KIF23: variants seen among roughly 807,000 people sequenced by gnomAD.
KIF23 encodes kinesin-like protein KIF23.
Under a neutral mutation model 137.5 loss-of-function variants are expected in KIF23, and 30 were observed. That is an observed-to-expected ratio of 0.22 (90% CI 0.16 to 0.30). The LOEUF is 0.30. KIF23 is among the 10% of genes least tolerant of loss of function. KIF23 has a pLI of 1.00. For missense variants in KIF23, 920 were observed against 1,194.3 expected (o/e 0.77, Z 3.38); for synonymous variants, 367 against 391.1 (o/e 0.94, Z 0.73).
rs567035258 is a variant in KIF23 at position 69,439,300 on chromosome 15, T to C, written c.1756-604T>C. Among the ~76,000 whole-genome samples, 6 of 152,206 alleles carry C rather than the reference T, an allele frequency of 3.9e-5. No individual in the cohort carries two copies. In the South Asian group the frequency reaches 1.0e-3, roughly 26 times the overall value. On this transcript the variant is annotated intron_variant, in intron 16 of 23. Coordinates refer to ENST00000679126, the MANE Select transcript of KIF23 (RefSeq NM_001367805.3). ...CTTGCTTTTGAATTTATTAGAAATA[T>C]TTCCTTAGTATGCTTTTTTTTTTTA...
At chr15:69,431,103 A>C (rs2057345697) in intron 11 of KIF23, among the ~76,000 whole-genome samples, 1 of 152,236 alleles carries the variant, frequency 6.6e-6, no homozygotes, top group Admixed American at 6.5e-5. Flanking sequence ...CTGGAGGCAA[A>C]GGTCAGACAA....
At chr15:69,426,021 A>G in intron 8 of KIF23, 49 bp from the exon 9 acceptor site, 1 of 1,116,834 alleles carries the variant, frequency 9.0e-7, no homozygotes, top group Non-Finnish European at 1.3e-6. Context: ...AAATGAAGAT[A>G]CCAGCATCTC....
chr15:69,434,663 T>G, intron 11 of KIF23: 1 of 1,477,122 alleles, frequency 6.8e-7, no homozygotes, highest in Non-Finnish European at 9.4e-7. Flanking sequence ...TGTCTCACCC[T>G]CCTGTCTTGA....
At position 69,439,885 on chromosome 15, in the gene KIF23, T is replaced by C; in HGVS notation, c.1756-19T>C. 1 of 1,577,320 alleles carries C rather than the reference T, an allele frequency of 6.3e-7. No individual in the cohort carries two copies. Among genetic ancestry groups the C allele is most frequent in the Non-Finnish European group, 8.7e-7 (1 of 1,155,792 alleles). On this transcript the variant is annotated intron_variant, in intron 16 of 23. Transcript: ENST00000679126. ...ATGTTTATATACCAAATATTGAACA[T>C]AGTGGTCTACCTTCCTAGATTGAGA...
Position 69,439,862 on chromosome 15 carries a change from G to A in KIF23, c.1756-42G>A, listed in dbSNP as rs748668437. ...AGACTATTTTATAGCGACATGAAATGTTTATATACCAAATATTGAACATAG... is the reference window on the plus strand; with the variant it reads ...AGACTATTTTATAGCGACATGAAATATTTATATACCAAATATTGAACATAG... On this transcript the variant is annotated intron_variant, in intron 16 of 23. Coordinates refer to ENST00000679126, the MANE Select transcript of KIF23 (RefSeq NM_001367805.3). 1.5e-5 allele frequency: 22 copies of A among 1,449,162 alleles called. 1 individual carries two copies. The highest frequency in any genetic ancestry group is 2.5e-5 in the South Asian group (2 of 79,168). 89.8% of individuals were successfully genotyped at this position (1,449,162 alleles called of 1,614,324 possible). A position where few individuals can be genotyped will look rare whatever the true frequency, so the allele number is the denominator to read the frequency against.
intron 20 of KIF23, among the ~76,000 whole-genome samples, chr15:69,445,788 T>C (rs2057728258): frequency 6.6e-6 from 1 of 152,218 alleles, no homozygotes; most frequent in Non-Finnish European, 1.5e-5. Context: ...ATTATGAATG[T>C]TACTGATTAC....
Position 69,416,044 on chromosome 15 carries a change from AC to A in KIF23, c.64del (p.Asp24ThrfsTer21). On this transcript the variant is annotated frameshift_variant, in exon 2 of 24. Transcript: ENST00000679126. LOFTEE classifies it high-confidence loss of function. ...KPTVKKGSQT[N>X]LKDPVGVYCR... ...ACCGTGAAAAAAGGGTCCCAAACGA[AC>A]CTTAAAGACCCAGTTGGGGTAAGGT... The A allele has an allele frequency of 6.3e-7, 1 of 1,575,560 alleles. No homozygotes were observed. The highest frequency in any genetic ancestry group is 8.6e-7 in the Non-Finnish European group (1 of 1,168,562).
intron 3 of KIF23, among the ~76,000 whole-genome samples, chr15:69,420,457 C>T (rs1297720841): frequency 6.6e-6 from 1 of 152,030 alleles, no homozygotes; most frequent in Non-Finnish European, 1.5e-5. Flanking sequence ...TTCCAAGATT[C>T]TTTGTTCTTT....
intron 20 of KIF23, among the ~76,000 whole-genome samples, chr15:69,445,682 C>A (rs961550789): frequency 2.0e-5 from 3 of 152,054 alleles, no homozygotes; most frequent in African/African-American, 7.2e-5. Flanking sequence ...AGTACCATGC[C>A]TTAGAGCGTG....
At chr15:69,446,796 G>T in intron 22 of KIF23, 75 bp from the exon 23 acceptor site, 1 of 1,303,550 alleles carries the variant, frequency 7.7e-7, no homozygotes. Context: ...CCTAGGTGTG[G>T]AGCCTGCTAA....
At chr15:69,415,640 A>G (rs2056882486) in intron 1 of KIF23, among the ~76,000 whole-genome samples, 1 of 152,202 alleles carries the variant, frequency 6.6e-6, no homozygotes, top group East Asian at 1.9e-4. Flanking sequence ...AGTGTATTGA[A>G]GTTAATCGCT....
Position 69,440,753 on chromosome 15 carries a change from C to A in KIF23, c.2110-15C>A, listed in dbSNP as rs934587916. 1.3e-6 allele frequency: 2 copies of A among 1,571,542 alleles called. No homozygotes were observed. The highest frequency in any genetic ancestry group is 2.3e-5 in the South Asian group (2 of 86,002). On this transcript the variant is annotated splice_polypyrimidine_tract_variant and intron_variant, in intron 18 of 23. Coordinates refer to ENST00000679126, the MANE Select transcript of KIF23 (RefSeq NM_001367805.3). The stretch of plus-strand genomic sequence containing the variant: ...TTTTCAGTCTTGCTCATTAATTTTT[C>A]TCCAATTTTTCTAGCTTTCTAGTAA...
At chr15:69,416,575 T>C (rs1319081974) in intron 2 of KIF23, among the ~76,000 whole-genome samples, 1 of 152,204 alleles carries the variant, frequency 6.6e-6, no homozygotes, top group African/African-American at 2.4e-5. Context: ...GCCACTGGAG[T>C]GGGTCCCTGG....
rs115595569 is a variant in KIF23 at position 69,425,497 on chromosome 15, G to A, written c.776+174G>A. On this transcript the variant is annotated intron_variant, in intron 8 of 23. Coordinates refer to ENST00000679126, the MANE Select transcript of KIF23 (RefSeq NM_001367805.3). ...CTATTGACTATCAGTGATGGTGGCT[G>A]GTAAATGTCTCTACCCTCACCATTC... Among the ~76,000 whole-genome samples the A allele has an allele frequency of 4.1e-3, 631 of 152,232 alleles. 9 individuals are homozygous for A. The highest frequency in any genetic ancestry group is 0.014 in the African/African-American group (595 of 41,536).
chr15:69,421,098 T>G (rs2057041206), intron 3 of KIF23, among the ~76,000 whole-genome samples: 1 of 152,174 alleles, frequency 6.6e-6, no homozygotes, highest in Non-Finnish European at 1.5e-5. Flanking sequence ...ACTTAAGACT[T>G]TTCTACATTT....
chr15:69,420,926 T>G lies in KIF23; in HGVS notation c.211-721T>G, dbSNP rs571950064. Among the ~76,000 whole-genome samples, 10 of 152,328 alleles carry G rather than the reference T, an allele frequency of 6.6e-5. No individual in the cohort carries two copies. The East Asian group carries it at 9.6e-4, about 15-fold the overall frequency. ...GCCACTATGCCCATGCTTTGCTATT[T>G]TAAATGACACCTTTATAAAGAAAAA... On this transcript the variant is annotated intron_variant, in intron 3 of 23. Transcript: ENST00000679126.
At chr15:69,445,134 G>A in intron 20 of KIF23, 93 bp downstream of exon 20, 2 of 1,171,220 alleles carry the variant, frequency 1.7e-6, no homozygotes, top group South Asian at 1.6e-5. Context: ...CACACAGGTA[G>A]TGTCAACTGG....
chr15:69,429,585 G>A lies in KIF23; in HGVS notation c.1114+372G>A, dbSNP rs199828123. ...CCGCCCCAAAGTCTTGGGATTACAG[G>A]AATGAGCCACTGTAACCGGCCTCGA... On this transcript the variant is annotated intron_variant, in intron 11 of 23. Transcript: ENST00000679126. 6.6e-5 allele frequency among the ~76,000 whole-genome samples: 10 copies of A among 152,256 alleles called. No homozygotes were observed. In the East Asian group the frequency reaches 1.7e-3, roughly 26 times the overall value.
intron 18 of KIF23, 26 bp from the exon 19 acceptor site, chr15:69,440,742 C>A: frequency 6.4e-7 from 1 of 1,561,602 alleles, no homozygotes; most frequent in South Asian, 1.2e-5. Context: ...CAGTCTTGCT[C>A]ATTAATTTTT....
Sources: gnomAD v4.1 joint callset for allele counts (sites outside exome capture counted in the v4.1 genomes callset) on GRCh38, gnomAD v4.1.1 for gene constraint, MANE v1.5 for transcripts, NCBI Gene and HGNC (gene_info 2026-07-23, HGNC 2026-07-21) for gene names.